LBR: variants seen among roughly 807,000 people sequenced by gnomAD.
LBR encodes lamin B receptor, also known as delta(14)-sterol reductase LBR.
A neutral mutation model predicts 74.3 loss-of-function variants in LBR; 28 were observed. The observed-to-expected ratio is 0.38, with a 90% CI of 0.28 to 0.52. The LOEUF is 0.52. Ranked by LOEUF, LBR falls within the 20% of genes least tolerant of loss-of-function variation. The pLI is 0.89. For synonymous variants in LBR, 228 were observed against 269.3 expected (o/e 0.85, Z 1.50); for missense variants, 717 against 760.3 (o/e 0.94, Z 0.67).
intron 10 of LBR, among the ~76,000 whole-genome samples, chr1:225,408,521 A>G (rs137935517): frequency 6.6e-6 from 1 of 152,380 alleles, no homozygotes; most frequent in African/African-American, 2.4e-5. Flanking sequence ...AGGAAGGGTC[A>G]TGCATATTTA....
intron 8 of LBR, among the ~76,000 whole-genome samples, chr1:225,411,904 C>T (rs981969470): frequency 3.9e-5 from 6 of 152,198 alleles, no homozygotes; most frequent in Non-Finnish European, 5.9e-5. Flanking sequence ...CCGCCTCCCA[C>T]GCTCAAGCGA....
chr1:225,425,938 G>T (rs2096138300), intron 1 of LBR, among the ~76,000 whole-genome samples: 2 of 152,116 alleles, frequency 1.3e-5, no homozygotes, highest in Non-Finnish European at 2.9e-5. Flanking sequence ...TTATTTACTG[G>T]CATCTTTCCA....
chr1:225,425,914 G>C (rs2096138276), intron 1 of LBR, among the ~76,000 whole-genome samples: 1 of 152,174 alleles, frequency 6.6e-6, no homozygotes, highest in Non-Finnish European at 1.5e-5. Flanking sequence ...CAGTTTCTGC[G>C]TGTTCTTAAA....
In LBR at chr1:225,422,966, G is replaced by T. The variant is rs551695924; in HGVS notation, c.166-689C>A. On this transcript the variant is annotated intron_variant, in intron 2 of 13. Coordinates refer to ENST00000272163, the MANE Select transcript of LBR (RefSeq NM_002296.4). ...GTTGTACTGGAACACTGCCATGTCT[G>T]CTCCCTTCCATACTGCCTGGAGCCG... Among the ~76,000 whole-genome samples the T allele has an allele frequency of 1.1e-4, 16 of 152,302 alleles. No individual in the cohort carries two copies. In the South Asian group the frequency reaches 3.3e-3, roughly 32 times the overall value.
rs80014528 is a variant in LBR, at chr1:225,407,494, C to T, written c.1315-662G>A. On this transcript the variant is annotated intron_variant, in intron 10 of 13. Transcript: ENST00000272163. ...TGGCAACATGGTGAACTGACAGCTTCGCTTCTCATGTAAATTAATAAAAGT... is the reference window on the plus strand; with the variant it reads ...TGGCAACATGGTGAACTGACAGCTTTGCTTCTCATGTAAATTAATAAAAGT... 9.4e-3 allele frequency among the ~76,000 whole-genome samples: 1,436 copies of T among 152,282 alleles called. 20 individuals are homozygous for T. Among genetic ancestry groups the T allele is most frequent in the African/African-American group, 0.032 (1,345 of 41,540 alleles).
chr1:225,401,923 C>G lies in LBR; in HGVS notation c.*1380G>C, dbSNP rs528804363. On this transcript the variant is annotated 3_prime_UTR_variant, in exon 14 of 14. Coordinates refer to ENST00000272163, the MANE Select transcript of LBR (RefSeq NM_002296.4). ...GAATTAACACTGCATATCTAAATGG[C>G]TCATATATAAAATGTGTAATTAAAA... The G allele has an allele frequency of 6.6e-6, 1 of 152,284 alleles. No homozygotes were observed. Among genetic ancestry groups the G allele is most frequent in the East Asian group, 1.9e-4 (1 of 5,188 alleles). The allele number at this position is 152,284 out of a possible 1,614,324, so 9.4% of individuals were successfully genotyped here.
chr1:225,420,548 T>C (rs952303252), intron 3 of LBR, among the ~76,000 whole-genome samples: 6 of 152,164 alleles, frequency 3.9e-5, no homozygotes, highest in African/African-American at 1.4e-4. Context: ...CCCAAGGCAC[T>C]ACCAGGTAAG....
intron 11 of LBR, among the ~76,000 whole-genome samples, chr1:225,405,886 T>C (rs1233282972): frequency 6.6e-6 from 1 of 152,232 alleles, no homozygotes; most frequent in Non-Finnish European, 1.5e-5. Flanking sequence ...AGATACTAAC[T>C]TGTGTAGCAA....
At chr1:225,421,937 G>T in intron 3 of LBR, 140 bp downstream of exon 3, 1 of 770,932 alleles carries the variant, frequency 1.3e-6, no homozygotes, top group Non-Finnish European at 2.1e-6. Flanking sequence ...CCAAACATTT[G>T]TTTTATATGA....
At chr1:225,423,863 T>C in intron 2 of LBR, 48 bp downstream of exon 2, 2 of 1,543,274 alleles carry the variant, frequency 1.3e-6, no homozygotes, top group Non-Finnish European at 1.8e-6. Context: ...CTTAGAGTTA[T>C]TTCCCACTTA....
chr1:225,403,307 T>G lies in LBR; in HGVS notation c.1844A>C (p.Tyr615Ser). 1 of 1,613,646 alleles carries G rather than the reference T, an allele frequency of 6.2e-7. No homozygotes were observed. Among genetic ancestry groups the G allele is most frequent in the Non-Finnish European group, 8.5e-7 (1 of 1,179,842 alleles). Residue 615 changes from tyrosine (Y) to serine (S), a missense_variant, in exon 14 of 14, where the codon TAC (tyrosine) becomes TCC (serine). Tyr to Ser is a moderately radical substitution (Grantham distance 144, BLOSUM62 -2). Transcript: ENST00000272163. Reference protein sequence around the residue: ...RVPYRIFPYIY With the variant: ...RVPYRIFPYIS The stretch of plus-strand genomic sequence containing the variant: ...TGTAGAAAAGCCAGAAGAGCATTAG[T>G]AGATGTATGGAAATATACGGTAGGG...
chr1:225,412,155 T>G (rs2096107179), intron 8 of LBR, among the ~76,000 whole-genome samples: 1 of 152,198 alleles, frequency 6.6e-6, no homozygotes, highest in African/African-American at 2.4e-5. Context: ...TTTACTATTT[T>G]GGACAAAGAA....
intron 10 of LBR, among the ~76,000 whole-genome samples, chr1:225,409,625 T>C (rs1374011058): frequency 6.6e-6 from 1 of 152,214 alleles, no homozygotes. Flanking sequence ...AATTTGGAGA[T>C]AATTACAAAG....
At chr1:225,407,859 G>A (rs181883124) in intron 10 of LBR, among the ~76,000 whole-genome samples, 5 of 151,942 alleles carry the variant, frequency 3.3e-5, no homozygotes, top group African/African-American at 1.2e-4. Flanking sequence ...TAGCTCCTTA[G>A]GCTTATACTC....
At chr1:225,421,641 T>C (rs1396916643) in intron 3 of LBR, among the ~76,000 whole-genome samples, 2 of 152,256 alleles carry the variant, frequency 1.3e-5, no homozygotes, top group Non-Finnish European at 2.9e-5. Flanking sequence ...CACCCTGATA[T>C]TTCAAAGCTT....
At chr1:225,425,558 G>C (rs1213946511) in intron 1 of LBR, among the ~76,000 whole-genome samples, 2 of 152,122 alleles carry the variant, frequency 1.3e-5, no homozygotes, top group Admixed American at 1.3e-4. Flanking sequence ...AGGGAGCAGG[G>C]GGGCAGTGAA....
intron 13 of LBR, 114 bp downstream of exon 13, chr1:225,404,290 G>A (rs1304722026): frequency 2.8e-6 from 4 of 1,429,282 alleles, no homozygotes; most frequent in Non-Finnish European, 2.9e-6. Flanking sequence ...CAGTAGAAAA[G>A]GGCGACAAAA....
intron 2 of LBR, among the ~76,000 whole-genome samples, chr1:225,423,328 C>T (rs934500743): frequency 5.9e-5 from 9 of 152,128 alleles, no homozygotes; most frequent in Admixed American, 2.6e-4. Flanking sequence ...CTGGGCTAGA[C>T]TCGAATCTAA....
intron 6 of LBR, among the ~76,000 whole-genome samples, chr1:225,417,221 G>GCAA (rs2096118980): frequency 6.6e-6 from 1 of 152,138 alleles, no homozygotes; most frequent in Non-Finnish European, 1.5e-5. Context: ...TAAGCCTGCA[G>GCAA]CTCTACCCTC....
Sources: allele counts gnomAD v4.1 joint callset (sites outside exome capture counted in the v4.1 genomes callset), GRCh38; gene constraint gnomAD v4.1.1; transcripts MANE v1.5; gene names NCBI Gene and HGNC (gene_info 2026-07-23, HGNC 2026-07-21).